Variants in ATRX observed in about 807,000 individuals in gnomAD.
The protein encoded by ATRX is chromatin remodeler ATRX.
A neutral mutation model predicts 172.6 loss-of-function variants in ATRX; 12 were observed. The ratio of observed to expected loss-of-function variants is 0.07; its 90% CI spans 0.04 to 0.11. ATRX has a LOEUF of 0.11. ATRX is among the 10% of genes least tolerant of loss of function. The probability of loss-of-function intolerance (pLI) is 1.00; values close to 1 mark genes in which losing one functional copy is unlikely to be tolerated. For missense variants in ATRX, 1,368 were observed against 1,767.4 expected (o/e 0.77, Z 4.05); for synonymous variants, 674 against 594.7 (o/e 1.13, Z -1.94).
At chrX:77,636,773 A>AG (rs1429154056) in intron 15 of ATRX, among the ~76,000 whole-genome samples, 2 of 108,607 alleles carry the variant, frequency 1.8e-5, no homozygotes, top group African/African-American at 6.7e-5. Flanking sequence ...AAAAAAAAAA[A>AG]AAGAAGAAAG....
At position 77,554,026 on chromosome X, in the gene ATRX, T is replaced by G. The variant is rs539236950; in HGVS notation, c.6699+3425A>C. Among the ~76,000 whole-genome samples, 31 of 111,872 alleles carry G rather than the reference T, an allele frequency of 2.8e-4. No individual in the cohort carries two copies. The Middle Eastern group carries it at 0.019, about 67-fold the overall frequency. On this transcript the variant is annotated intron_variant, in intron 30 of 34. Transcript: ENST00000373344. ...ATTATTTAAGATAAAATTTTTTGGC[T>G]GGGCAAGGTAGCTCATACCTGCAAT...
intron 26 of ATRX, among the ~76,000 whole-genome samples, chrX:77,593,377 G>C (rs1403581380): frequency 9.0e-6 from 1 of 111,593 alleles, no homozygotes; most frequent in Non-Finnish European, 1.9e-5. Flanking sequence ...CACGGTAGAA[G>C]TCACACTACA....
At chrX:77,654,879 C>A (rs1376266433) in intron 13 of ATRX, among the ~76,000 whole-genome samples, 2 of 111,533 alleles carry the variant, frequency 1.8e-5, no homozygotes, top group African/African-American at 6.5e-5. Flanking sequence ...TCATGATAGC[C>A]AAAAGGTTAC....
rs373570540 is a variant in ATRX at position 77,660,295 on chromosome X, T to C, written c.4120+3087A>G. Reference sequence around the variant, plus strand: ...AATTTATAAGACAAGCTGGGCGCAGTGGCTCACGCCTGTAATCCCAGCACT... The same window carrying C: ...AATTTATAAGACAAGCTGGGCGCAGCGGCTCACGCCTGTAATCCCAGCACT... On this transcript the variant is annotated intron_variant, in intron 12 of 34. Transcript: ENST00000373344. Among the ~76,000 whole-genome samples, 21 of 111,979 alleles carry C rather than the reference T, an allele frequency of 1.9e-4. No individual in the cohort carries two copies. The South Asian group carries it at 7.8e-3, about 41-fold the overall frequency.
intron 1 of ATRX, among the ~76,000 whole-genome samples, chrX:77,750,432 T>C (rs1219499814): frequency 2.7e-5 from 3 of 111,611 alleles, no homozygotes; most frequent in Non-Finnish European, 5.6e-5. Flanking sequence ...ACTTTATCAT[T>C]AGAATGTAAT....
intron 19 of ATRX, among the ~76,000 whole-genome samples, chrX:77,629,193 T>TA (rs2068002974): frequency 8.9e-6 from 1 of 112,427 alleles, no homozygotes; most frequent in Admixed American, 9.5e-5. Flanking sequence ...TCTTTAACAT[T>TA]ACACCCAAAC....
At chrX:77,548,788 G>T (rs2064345040) in intron 30 of ATRX, among the ~76,000 whole-genome samples, 1 of 112,151 alleles carries the variant, frequency 8.9e-6, no homozygotes, top group African/African-American at 3.2e-5. Flanking sequence ...ATTATGCTTT[G>T]AAGTATTAAA....
At chrX:77,773,945 G>A (rs782787935) in intron 1 of ATRX, among the ~76,000 whole-genome samples, 7 of 110,830 alleles carry the variant, frequency 6.3e-5, no homozygotes, top group African/African-American at 1.3e-4. Context: ...AGAAGAGGCC[G>A]GGCGCAGTGG....
intron 1 of ATRX, among the ~76,000 whole-genome samples, chrX:77,726,258 T>C (rs1351578489): frequency 2.7e-5 from 3 of 109,774 alleles, no homozygotes; most frequent in East Asian, 2.9e-4. Context: ...ATTAAGAAAA[T>C]GTGGCACATA....
chrX:77,600,401 A>G, intron 23 of ATRX, 33 bp downstream of exon 23: 1 of 1,206,347 alleles, frequency 8.3e-7, no homozygotes, highest in Non-Finnish European at 1.1e-6. Flanking sequence ...TCTGCTTCCA[A>G]TAGATGCTTT....
chrX:77,515,262 G>A (rs1241591967), intron 34 of ATRX, among the ~76,000 whole-genome samples: 2 of 111,124 alleles, frequency 1.8e-5, no homozygotes, highest in Non-Finnish European at 3.8e-5. Context: ...TAAATTCAAA[G>A]GAACATACAT....
In ATRX at chrX:77,508,507, G is replaced by A. The variant is rs2062760506; in HGVS notation, c.7323C>T (p.Pro2441=). 8.3e-7 allele frequency: 1 copy of A among 1,211,411 alleles called. No individual in the cohort carries two copies. Among genetic ancestry groups the A allele is most frequent in the Non-Finnish European group, 1.1e-6 (1 of 895,441 alleles). The change falls in exon 35 of 35, where the codon CCC becomes CCT. Residue 2441 remains proline, a synonymous_variant. Coordinates refer to ENST00000373344, the MANE Select transcript of ATRX (RefSeq NM_000489.6). ...TAGAAGGATTCATGATCAAATTTGG[G>A]GGCTTTGGCATCATGAGGTGACCCA... ...ATLGHLMMPK[P]PNLIMNPSNY...
intron 27 of ATRX, among the ~76,000 whole-genome samples, chrX:77,574,649 A>G (rs1430961319): frequency 1.8e-5 from 2 of 111,988 alleles, no homozygotes; most frequent in South Asian, 3.7e-4. Context: ...AAAACTGTCA[A>G]AAGAATATGA....
chrX:77,768,430 T>C lies in ATRX; in HGVS notation c.20+17552A>G, dbSNP rs375610581. ...TGAATACTGCTTTTAACAATTTTTA[T>C]TGAAAAACTTACGAATAAAAGGAGA... On this transcript the variant is annotated intron_variant, in intron 1 of 34. Coordinates refer to ENST00000373344, the MANE Select transcript of ATRX (RefSeq NM_000489.6). Among the ~76,000 whole-genome samples, 17 of 109,651 alleles carry C rather than the reference T, an allele frequency of 1.6e-4. No individual in the cohort carries two copies. The East Asian group carries it at 2.5e-3, about 16-fold the overall frequency.
At chrX:77,630,916 A>G (rs1466415827) in intron 19 of ATRX, among the ~76,000 whole-genome samples, 1 of 111,790 alleles carries the variant, frequency 8.9e-6, no homozygotes, top group East Asian at 2.8e-4. Flanking sequence ...TAGTACTGAA[A>G]AGATGATATA....
chrX:77,716,315 A>ATATATAT (rs1326160021), intron 2 of ATRX, among the ~76,000 whole-genome samples: 1 of 57,810 alleles, frequency 1.7e-5, no homozygotes, highest in Non-Finnish European at 3.5e-5. Flanking sequence ...AAAAAAAAAA[A>ATATATAT]AAAAAAAAAT....
At chrX:77,701,987 A>G (rs1287680511) in intron 2 of ATRX, among the ~76,000 whole-genome samples, 1 of 110,706 alleles carries the variant, frequency 9.0e-6, no homozygotes, top group Non-Finnish European at 1.9e-5. Flanking sequence ...AGTCACTTGA[A>G]CCCAGGGGGT....
chrX:77,712,253 C>T (rs2073148189), intron 2 of ATRX, among the ~76,000 whole-genome samples: 2 of 112,027 alleles, frequency 1.8e-5, no homozygotes, highest in African/African-American at 6.5e-5. Context: ...GTTGACTCCC[C>T]TCCAGTTTAT....
intron 14 of ATRX, among the ~76,000 whole-genome samples, chrX:77,653,571 T>C (rs1557118420): frequency 8.9e-6 from 1 of 111,919 alleles, no homozygotes; most frequent in African/African-American, 3.2e-5. Flanking sequence ...GGTGTTAATG[T>C]TTAATGAGTG....
Sources: allele counts gnomAD v4.1 joint callset (sites outside exome capture counted in the v4.1 genomes callset), GRCh38; gene constraint gnomAD v4.1.1; transcripts MANE v1.5; gene names NCBI Gene and HGNC (gene_info 2026-07-23, HGNC 2026-07-21).